Variants in PCDHA2 observed in about 807,000 individuals in gnomAD.
The protein encoded by PCDHA2 is protocadherin alpha 2.
In PCDHA2, 58 loss-of-function variants were observed where a neutral mutation model predicts 66.0. That is an observed-to-expected ratio of 0.88 (90% CI 0.71 to 1.09). The LOEUF is 1.09. Ranked by LOEUF, PCDHA2 falls within the 50% of genes least tolerant of loss-of-function variation. The pLI, the probability that PCDHA2 is intolerant of heterozygous loss-of-function variation, is 0.00. For synonymous variants in PCDHA2, 634 were observed against 554.0 expected (o/e 1.14, Z -2.03); for missense variants, 1,267 against 1,242.3 (o/e 1.02, Z -0.30).
At chr5:140,870,052 A>G (rs782520778) in intron 1 of PCDHA2, 7 of 1,613,830 alleles carry the variant, frequency 4.3e-6, no homozygotes, top group Non-Finnish European at 5.1e-6. Flanking sequence ...GTTTTATAAA[A>G]TTGAAGTACA....
Position 140,841,227 on chromosome 5 carries a change from G to C in PCDHA2, c.2388+43875G>C, listed in dbSNP as rs1468435006. The C allele has an allele frequency of 2.1e-6, 3 of 1,454,606 alleles. No homozygotes were observed. The African/African-American group carries it at 4.3e-5, about 21-fold the overall frequency. The allele number at this position is 1,454,606 out of a possible 1,614,324, so 90.1% of individuals were successfully genotyped here. On this transcript the variant is annotated intron_variant, in intron 1 of 3. Transcript: ENST00000526136. The stretch of plus-strand genomic sequence containing the variant: ...ATCTGTCTCTAAAGGCCGAACAACG[G>C]GAGATGCAGCGGAATTGGATTAAAA...
At chr5:140,963,705 C>T (rs1351751729) in intron 1 of PCDHA2, among the ~76,000 whole-genome samples, 1 of 152,130 alleles carries the variant, frequency 6.6e-6, no homozygotes, top group Non-Finnish European at 1.5e-5. Flanking sequence ...ATCTAAAGGG[C>T]CATGCTACAT....
At chr5:140,990,084 C>T (rs31873) in intron 3 of PCDHA2, among the ~76,000 whole-genome samples, 3,615 of 152,028 alleles carry the variant, frequency 0.024, 147 homozygotes, top group African/African-American at 0.081. Flanking sequence ...ACAAAGGATG[C>T]TTGTGCTACT....
At chr5:140,810,225 T>A in intron 1 of PCDHA2, 1 of 152,260 alleles carries the variant, frequency 6.6e-6, no homozygotes, top group East Asian at 1.9e-4. Context: ...ATACTATACC[T>A]TATTTATTCT....
At chr5:140,866,236 C>T (rs1554160132) in intron 1 of PCDHA2, 1 of 152,026 alleles carries the variant, frequency 6.6e-6, no homozygotes, top group East Asian at 1.9e-4. Context: ...ATACTATATA[C>T]CAAAAATGAC....
rs1554168215 is a variant in PCDHA2, at chr5:140,876,039, T to A, written c.2388+78687T>A. 3 of 1,613,746 alleles carry A rather than the reference T, an allele frequency of 1.9e-6. No individual in the cohort carries two copies. Among genetic ancestry groups the A allele is most frequent in the South Asian group, 2.2e-5 (2 of 91,062 alleles). On this transcript the variant is annotated intron_variant, in intron 1 of 3. Transcript: ENST00000526136. ...AAATAAAAACAAAAAAAGATAAAAG[T>A]ATATTGCCTGAATTAGTTCTTCGGA...
At chr5:140,980,704 G>T (rs2153822525) in intron 2 of PCDHA2, among the ~76,000 whole-genome samples, 1 of 151,890 alleles carries the variant, frequency 6.6e-6, no homozygotes, top group East Asian at 1.9e-4. Context: ...AGCCAAATGT[G>T]CTCCTATTCG....
chr5:140,851,986 C>T, intron 1 of PCDHA2: 1 of 976,230 alleles, frequency 1.0e-6, no homozygotes, highest in Non-Finnish European at 1.2e-6. Context: ...TTAGTGCAAG[C>T]TATTTGTTTG....
intron 1 of PCDHA2, chr5:140,866,298 G>A (rs2049270991): frequency 6.6e-6 from 1 of 152,134 alleles, no homozygotes; most frequent in African/African-American, 2.4e-5. Flanking sequence ...AAGTATAGAT[G>A]TTGATATTAT....
intron 1 of PCDHA2, chr5:140,824,141 T>C: frequency 6.2e-7 from 1 of 1,612,188 alleles, no homozygotes; most frequent in South Asian, 1.1e-5. Context: ...AGTTTTCTAA[T>C]ATTAACATCC....
intron 1 of PCDHA2, among the ~76,000 whole-genome samples, chr5:140,935,422 A>G (rs2090365671): frequency 6.6e-6 from 1 of 152,228 alleles, no homozygotes; most frequent in South Asian, 2.1e-4. Context: ...TTAGAAAACA[A>G]TTTCAGCACT....
chr5:140,833,252 G>A (rs1554133803), intron 1 of PCDHA2, among the ~76,000 whole-genome samples: 2 of 152,156 alleles, frequency 1.3e-5, no homozygotes, highest in African/African-American at 4.8e-5. Flanking sequence ...AATACACCAG[G>A]AGAGCAGCAA....
chr5:140,934,172 G>A (rs781789188), intron 1 of PCDHA2, among the ~76,000 whole-genome samples: 47 of 152,018 alleles, frequency 3.1e-4, no homozygotes, highest in Non-Finnish European at 6.6e-4. Flanking sequence ...TGCAACAGAA[G>A]TACTCTAAAC....
intron 1 of PCDHA2, among the ~76,000 whole-genome samples, chr5:140,902,760 T>G (rs887357298): frequency 1.4e-4 from 22 of 152,038 alleles, no homozygotes; most frequent in African/African-American, 5.3e-4. Context: ...ATCATTCTTA[T>G]GTCTTTGCAT....
At chr5:140,966,796 G>A (rs1255615650) in intron 1 of PCDHA2, 8 of 1,535,610 alleles carry the variant, frequency 5.2e-6, no homozygotes, top group African/African-American at 1.4e-5. Flanking sequence ...GACCTGCGGC[G>A]ACAGAGCATC....
At chr5:140,941,191 T>TCTTTC (rs1554213808) in intron 1 of PCDHA2, among the ~76,000 whole-genome samples, 2 of 93,206 alleles carry the variant, frequency 2.1e-5, no homozygotes, top group South Asian at 5.6e-4. Flanking sequence ...GCTTCTTTTT[T>TCTTTC]TTTCTTTCTT....
intron 1 of PCDHA2, among the ~76,000 whole-genome samples, chr5:140,855,023 G>A (rs115040572): frequency 1.3e-5 from 2 of 149,492 alleles, no homozygotes; most frequent in South Asian, 2.1e-4. Flanking sequence ...GAAACTTCTT[G>A]TATAAAGGAT....
chr5:140,944,301 C>T (rs1320988632), intron 1 of PCDHA2, among the ~76,000 whole-genome samples: 1 of 152,176 alleles, frequency 6.6e-6, no homozygotes, highest in Non-Finnish European at 1.5e-5. Flanking sequence ...GATCCTCCTA[C>T]CTCAGCCTCC....
At chr5:140,815,072 A>G (rs1396977561) in intron 1 of PCDHA2, 2 of 152,148 alleles carry the variant, frequency 1.3e-5, no homozygotes, top group Non-Finnish European at 2.9e-5. Context: ...CAGGCTATCC[A>G]GGTCTTTAAA....
Sources: allele counts gnomAD v4.1 joint callset (sites outside exome capture counted in the v4.1 genomes callset), GRCh38; gene constraint gnomAD v4.1.1; transcripts MANE v1.5; gene names NCBI Gene and HGNC (gene_info 2026-07-23, HGNC 2026-07-21).